MEGF11: variants seen among roughly 807,000 people sequenced by gnomAD.
The protein encoded by MEGF11 is multiple EGF like domains 11, also known as multiple epidermal growth factor-like domains protein 11.
In MEGF11, 126 loss-of-function variants were observed where a neutral mutation model predicts 146.6. The observed-to-expected ratio is 0.86, with a 90% CI of 0.74 to 1.00. The LOEUF (loss-of-function observed/expected upper bound fraction) is 1.00. Ranked by LOEUF, MEGF11 falls within the 50% of genes least tolerant of loss-of-function variation. The pLI, the probability that MEGF11 is intolerant of heterozygous loss-of-function variation, is 0.00. For synonymous variants in MEGF11, 532 were observed against 583.4 expected (o/e 0.91, Z 1.27); for missense variants, 1,509 against 1,521.2 (o/e 0.99, Z 0.13).
At chr15:66,104,517 C>G (rs2086973996) in intron 4 of MEGF11, among the ~76,000 whole-genome samples, 1 of 152,244 alleles carries the variant, frequency 6.6e-6, no homozygotes, top group Non-Finnish European at 1.5e-5. Context: ...AGTTCTTTCT[C>G]TAATTCATTA....
chr15:66,138,847 G>A (rs1323658687), intron 1 of MEGF11, among the ~76,000 whole-genome samples: 1 of 152,184 alleles, frequency 6.6e-6, no homozygotes, highest in East Asian at 1.9e-4. Flanking sequence ...ATATCAGCAT[G>A]GCTGGGTTTG....
intron 5 of MEGF11, among the ~76,000 whole-genome samples, chr15:66,042,926 A>C (rs944720022): frequency 1.3e-5 from 2 of 152,140 alleles, no homozygotes; most frequent in Middle Eastern, 3.2e-3. Flanking sequence ...ACATTCAGGC[A>C]CTGGGGGTTA....
intron 4 of MEGF11, among the ~76,000 whole-genome samples, chr15:66,102,473 G>A (rs1215024651): frequency 1.5e-5 from 2 of 137,860 alleles, no homozygotes; most frequent in African/African-American, 5.6e-5. Context: ...TCACTCTGTC[G>A]CCCAGGCTGG....
rs1012717390 is a variant in MEGF11, at chr15:66,165,089, C to T, written c.-8-36678G>A. On this transcript the variant is annotated intron_variant, in intron 1 of 25. Transcript: ENST00000395614. The stretch of plus-strand genomic sequence containing the variant: ...CCCCTATGACCAACCCCTCACAGCA[C>T]GTTAGAAACAGTATTTTCCAAAAGT... Among the ~76,000 whole-genome samples the T allele has an allele frequency of 8.5e-5, 13 of 152,174 alleles. No homozygotes were observed. In the East Asian group the frequency reaches 9.6e-4, roughly 11 times the overall value.
Position 65,953,472 on chromosome 15 carries a change from C to T in MEGF11, c.1287+4075G>A, listed in dbSNP as rs2080473328. 2.0e-5 allele frequency among the ~76,000 whole-genome samples: 3 copies of T among 152,298 alleles called. No homozygotes were observed. In the South Asian group the frequency reaches 6.2e-4, roughly 32 times the overall value. On this transcript the variant is annotated intron_variant, in intron 10 of 25. Transcript: ENST00000395614. ...CAAGTCGCTAATCCTGTTTGAACTC[C>T]AGCTCCTCATCTGCAAATTGAGGAA...
At chr15:66,017,203 C>T (rs2082918433) in intron 5 of MEGF11, among the ~76,000 whole-genome samples, 3 of 152,308 alleles carry the variant, frequency 2.0e-5, no homozygotes, top group Admixed American at 2.0e-4. Flanking sequence ...TGCAGACAGA[C>T]GGCAGCCTAT....
chr15:65,908,515 G>A (rs2078697822), intron 23 of MEGF11, among the ~76,000 whole-genome samples: 1 of 152,202 alleles, frequency 6.6e-6, no homozygotes, highest in African/African-American at 2.4e-5. Flanking sequence ...CATGAGTACA[G>A]GTGATGTTGG....
chr15:65,978,183 T>C (rs1350527609), intron 7 of MEGF11, among the ~76,000 whole-genome samples: 1 of 152,078 alleles, frequency 6.6e-6, no homozygotes, highest in Non-Finnish European at 1.5e-5. Context: ...AGTTGGAAAA[T>C]GTGTGGTTGA....
At chr15:66,066,335 C>T (rs1380416202) in intron 5 of MEGF11, among the ~76,000 whole-genome samples, 2 of 152,170 alleles carry the variant, frequency 1.3e-5, no homozygotes, top group African/African-American at 2.4e-5. Flanking sequence ...GCTGACCTCC[C>T]TCCCCACCAC....
chr15:65,909,046 G>A lies in MEGF11; in HGVS notation c.2986C>T (p.Pro996Ser). Residue 996 changes from proline to serine, a missense_variant, in exon 23 of 26, where the codon CCA (proline) becomes TCA (serine). Pro to Ser is a moderately conservative substitution (Grantham distance 74). Transcript: ENST00000395614. ...GCTGGGGTCTGACCTGGTGAGTGTG[G>A]CTCAGCGGGGCGGCTGAGGTGTCTA... ...ELRHLSRPAE[P>S]HSPGACGMDR... 1 of 1,534,592 alleles carries A rather than the reference G, an allele frequency of 6.5e-7. No homozygotes were observed. The highest frequency in any genetic ancestry group is 8.7e-7 in the Non-Finnish European group (1 of 1,145,646).
chr15:66,001,092 A>G (rs919025698), intron 5 of MEGF11, among the ~76,000 whole-genome samples: 1 of 152,088 alleles, frequency 6.6e-6, no homozygotes, highest in Admixed American at 6.5e-5. Flanking sequence ...ACATGTGGGG[A>G]CAGAAATTTG....
intron 5 of MEGF11, among the ~76,000 whole-genome samples, chr15:66,056,881 CA>C (rs2140383402): frequency 6.6e-6 from 1 of 152,342 alleles, no homozygotes; most frequent in African/African-American, 2.4e-5. Flanking sequence ...ATGCCAGGAG[CA>C]GCTTTCGCCA....
At chr15:66,047,854 G>A (rs1366066108) in intron 5 of MEGF11, among the ~76,000 whole-genome samples, 1 of 152,222 alleles carries the variant, frequency 6.6e-6, no homozygotes, top group African/African-American at 2.4e-5. Flanking sequence ...CCCTCCCGTG[G>A]GGCAGAAGCG....
chr15:66,053,564 G>A (rs1313275469), intron 5 of MEGF11, among the ~76,000 whole-genome samples: 3 of 151,776 alleles, frequency 2.0e-5, no homozygotes, highest in Non-Finnish European at 4.4e-5. Flanking sequence ...CAGCCATCCT[G>A]CCTTCTGTGA....
At chr15:66,164,930 G>A (rs1389471813) in intron 1 of MEGF11, among the ~76,000 whole-genome samples, 1 of 152,196 alleles carries the variant, frequency 6.6e-6, no homozygotes, top group Non-Finnish European at 1.5e-5. Context: ...CCAGGGAGGG[G>A]GCTCAGGGGC....
At chr15:66,133,576 C>T (rs1300718327) in intron 1 of MEGF11, among the ~76,000 whole-genome samples, 3 of 151,758 alleles carry the variant, frequency 2.0e-5, no homozygotes, top group African/African-American at 7.3e-5. Flanking sequence ...CCTTCCTCTG[C>T]CCTGGCTCTC....
chr15:66,022,959 C>T (rs1248778212), intron 5 of MEGF11, among the ~76,000 whole-genome samples: 3 of 151,688 alleles, frequency 2.0e-5, no homozygotes, highest in African/African-American at 7.3e-5. Context: ...TCGAGACCAG[C>T]CTGACCAACA....
intron 1 of MEGF11, among the ~76,000 whole-genome samples, chr15:66,143,973 T>A (rs894587840): frequency 6.6e-6 from 1 of 152,076 alleles, no homozygotes; most frequent in Non-Finnish European, 1.5e-5. Context: ...CTCCGGGTCC[T>A]CCTCTGTCCA....
chr15:66,150,837 A>AGAGAGAGAGAGAGG, intron 1 of MEGF11, among the ~76,000 whole-genome samples: 1 of 109,752 alleles, frequency 9.1e-6, no homozygotes, highest in African/African-American at 3.5e-5. Context: ...AGAGAGAGAG[A>AGAGAGAGAGAGAGG]GAGAGAGAGA....
Sources: allele counts gnomAD v4.1 joint callset (sites outside exome capture counted in the v4.1 genomes callset), GRCh38; gene constraint gnomAD v4.1.1; transcripts MANE v1.5; gene names NCBI Gene and HGNC (gene_info 2026-07-23, HGNC 2026-07-21).